DNM3: variants seen among roughly 807,000 people sequenced by gnomAD.
DNM3 encodes dynamin 3.
DNM3 carries 47 observed loss-of-function variants against 101.6 expected under a neutral mutation model. That is an observed-to-expected ratio of 0.46 (90% CI 0.37 to 0.59). The LOEUF is 0.59. DNM3 is among the 20% of genes least tolerant of loss of function. The probability of loss-of-function intolerance (pLI) is 0.00; values close to 1 mark genes in which losing one functional copy is unlikely to be tolerated. For synonymous variants in DNM3, 385 were observed against 387.9 expected (o/e 0.99, Z 0.09); for missense variants, 849 against 1,085.7 (o/e 0.78, Z 3.06).
chr1:171,983,879 T>TC (rs2045028152), intron 2 of DNM3, among the ~76,000 whole-genome samples: 1 of 152,134 alleles, frequency 6.6e-6, no homozygotes, highest in Admixed American at 6.5e-5. Flanking sequence ...CAGTGCTTTT[T>TC]CTCAACTTGG....
rs116360907 is a variant in DNM3 at position 172,090,417 on chromosome 1, G to A, written c.1494-2407G>A. Among the ~76,000 whole-genome samples, 1,465 of 152,204 alleles carry A rather than the reference G, an allele frequency of 9.6e-3. 23 individuals carry two copies. The highest frequency in any genetic ancestry group is 0.032 in the African/African-American group (1,315 of 41,522). On this transcript the variant is annotated intron_variant, in intron 12 of 20. Transcript: ENST00000627582. The stretch of plus-strand genomic sequence containing the variant: ...CAGGGCATGAGGGCAGCCAGAGGGC[G>A]GTGTGGGCACATTGGATCCTGGTTA...
intron 18 of DNM3, among the ~76,000 whole-genome samples, chr1:172,383,320 G>A (rs1258136653): frequency 2.0e-5 from 3 of 152,104 alleles, no homozygotes; most frequent in Admixed American, 2.0e-4. Context: ...ACATTTGTGA[G>A]TCAAAGGATG....
intron 11 of DNM3, among the ~76,000 whole-genome samples, chr1:172,077,637 C>A (rs995178935): frequency 6.6e-6 from 1 of 152,126 alleles, no homozygotes; most frequent in Non-Finnish European, 1.5e-5. Context: ...GTTTCTTAAT[C>A]CTGAGTTCTA....
chr1:172,183,363 G>GT (rs1010016456), intron 14 of DNM3, among the ~76,000 whole-genome samples: 7 of 152,074 alleles, frequency 4.6e-5, no homozygotes, highest in Admixed American at 1.3e-4. Context: ...ATTATACAAA[G>GT]TTTTTTTAAC....
At chr1:171,860,172 A>G (rs1478196452) in intron 1 of DNM3, among the ~76,000 whole-genome samples, 2 of 152,176 alleles carry the variant, frequency 1.3e-5, no homozygotes, top group African/African-American at 2.4e-5. Flanking sequence ...CCATGTAGCT[A>G]TTATAACTAA....
intron 16 of DNM3, among the ~76,000 whole-genome samples, chr1:172,312,643 C>A (rs528158634): frequency 1.3e-5 from 2 of 152,160 alleles, no homozygotes; most frequent in African/African-American, 4.8e-5. Flanking sequence ...AATTTTATTT[C>A]TTTCCTTCCC....
chr1:171,929,179 G>A (rs1385250294), intron 2 of DNM3, among the ~76,000 whole-genome samples: 2 of 152,134 alleles, frequency 1.3e-5, no homozygotes, highest in East Asian at 1.9e-4. Flanking sequence ...AAGCCTGAAG[G>A]CTAGAATGGT....
chr1:172,300,460 GCCA>G (rs2064390143), intron 15 of DNM3, among the ~76,000 whole-genome samples: 1 of 151,806 alleles, frequency 6.6e-6, no homozygotes, highest in East Asian at 1.9e-4. Context: ...ATAAATTCTT[GCCA>G]AGACCAATTC....
chr1:172,142,625 C>A (rs2057644345), intron 14 of DNM3, among the ~76,000 whole-genome samples: 1 of 151,330 alleles, frequency 6.6e-6, no homozygotes, highest in Non-Finnish European at 1.5e-5. Flanking sequence ...GGTGAGGGAC[C>A]CATAGGGATT....
intron 12 of DNM3, among the ~76,000 whole-genome samples, chr1:172,086,766 A>G (rs1057452296): frequency 6.6e-6 from 1 of 151,662 alleles, no homozygotes; most frequent in Admixed American, 6.6e-5. Flanking sequence ...GCTACTAAAC[A>G]AGTCTAAAAG....
At chr1:171,982,662 T>TTGTGTG (rs3051606) in intron 2 of DNM3, among the ~76,000 whole-genome samples, 127 of 148,860 alleles carry the variant, frequency 8.5e-4, no homozygotes, top group African/African-American at 1.8e-3. Context: ...ATGTGTGTGT[T>TTGTGTG]TGTGTGTGTG....
chr1:172,384,450 A>T (rs1343974929), intron 18 of DNM3, among the ~76,000 whole-genome samples: 1 of 152,194 alleles, frequency 6.6e-6, no homozygotes, highest in Non-Finnish European at 1.5e-5. Flanking sequence ...ACAATACTTG[A>T]GGTAGCTCTA....
At chr1:172,288,365 G>A (rs1386359765) in intron 15 of DNM3, among the ~76,000 whole-genome samples, 1 of 152,162 alleles carries the variant, frequency 6.6e-6, no homozygotes, top group Non-Finnish European at 1.5e-5. Flanking sequence ...GTAGGGAGAA[G>A]CTTTGTGTGT....
chr1:172,047,683 G>T lies in DNM3; in HGVS notation c.1197-929G>T, dbSNP rs138686242. Among the ~76,000 whole-genome samples, 519 of 152,282 alleles carry T rather than the reference G, an allele frequency of 3.4e-3. 5 individuals are homozygous for T. Among genetic ancestry groups the T allele is most frequent in the African/African-American group, 0.012 (496 of 41,546 alleles). On this transcript the variant is annotated intron_variant, in intron 9 of 20. Coordinates refer to ENST00000627582, the MANE Select transcript of DNM3 (RefSeq NM_015569.5). ...TACAGTTAGAAATAGAGGTGAGCAT[G>T]GGGTGCTAAGCAAATGATAAGAAGG... is the stretch of plus-strand genomic sequence containing the variant.
intron 13 of DNM3, among the ~76,000 whole-genome samples, chr1:172,123,965 G>C (rs1404735816): frequency 6.6e-6 from 1 of 152,152 alleles, no homozygotes; most frequent in Non-Finnish European, 1.5e-5. Context: ...AGCACCACTA[G>C]TGGACAGAAA....
chr1:172,375,858 G>C (rs1265522484), intron 17 of DNM3, among the ~76,000 whole-genome samples: 1 of 110,488 alleles, frequency 9.1e-6, no homozygotes, highest in South Asian at 2.9e-4. Flanking sequence ...AAAAAAAAAA[G>C]GCAAAATTAG....
chr1:172,163,248 T>TG (rs952942103), intron 14 of DNM3, among the ~76,000 whole-genome samples: 1 of 150,494 alleles, frequency 6.6e-6, no homozygotes, highest in Non-Finnish European at 1.5e-5. Context: ...TTTTTGTTTT[T>TG]TTTTTTTTTT....
chr1:172,161,475 A>G (rs995317434), intron 14 of DNM3, among the ~76,000 whole-genome samples: 15 of 151,894 alleles, frequency 9.9e-5, no homozygotes, highest in African/African-American at 3.6e-4. Context: ...GGAATGGGAT[A>G]AAGAGAAGAT....
chr1:172,224,588 T>G (rs1252575323), intron 14 of DNM3, among the ~76,000 whole-genome samples: 3 of 152,126 alleles, frequency 2.0e-5, no homozygotes, highest in Admixed American at 1.3e-4. Flanking sequence ...ATGATTGATG[T>G]TCAGTGACTT....
Sources: allele counts gnomAD v4.1 joint callset (sites outside exome capture counted in the v4.1 genomes callset), GRCh38; gene constraint gnomAD v4.1.1; transcripts MANE v1.5; gene names NCBI Gene and HGNC (gene_info 2026-07-23, HGNC 2026-07-21).